FAM13A: variants seen among roughly 807,000 people sequenced by gnomAD.
FAM13A encodes the protein family with sequence similarity 13 member A, also known as protein FAM13A.
In FAM13A, 76 loss-of-function variants were observed where a neutral mutation model predicts 129.6. The ratio of observed to expected loss-of-function variants is 0.59; its 90% CI spans 0.49 to 0.71. The LOEUF is 0.71. Among genes scored for constraint, FAM13A ranks in the 30% least tolerant of loss-of-function variants. FAM13A has a pLI of 0.00. For synonymous variants in FAM13A, 443 were observed against 449.9 expected (o/e 0.98, Z 0.20); for missense variants, 1,108 against 1,249.3 (o/e 0.89, Z 1.70).
chr4:88,932,611 G>A (rs1753215579), intron 5 of FAM13A, among the ~76,000 whole-genome samples: 2 of 152,306 alleles, frequency 1.3e-5, no homozygotes, highest in South Asian at 4.1e-4. Flanking sequence ...GGAGACACAT[G>A]CAATGTTTTT....
At chr4:88,842,091 T>C (rs1735932989) in intron 7 of FAM13A, among the ~76,000 whole-genome samples, 1 of 152,164 alleles carries the variant, frequency 6.6e-6, no homozygotes, top group Non-Finnish European at 1.5e-5. Flanking sequence ...AGGAGTGAAG[T>C]ACTGATACAT....
In FAM13A at chr4:88,732,134, G is replaced by A; in HGVS notation, c.2711C>T (p.Thr904Ile). Reference protein sequence around the residue: ...VKPDFMVTLKTDFSARCFLDQ... With the variant: ...VKPDFMVTLKIDFSARCFLDQ... The stretch of plus-strand genomic sequence containing the variant: ...CAGAAAGCATCGTGCACTGAAATCG[G>A]TTTTCAGAGTGACCATGAAGTCTGG... Residue 904 changes from threonine to isoleucine, a missense_variant, in exon 22 of 24, where the codon ACC becomes ATC. Coordinates refer to ENST00000264344, the MANE Select transcript of FAM13A (RefSeq NM_014883.4). The A allele has an allele frequency of 1.2e-6, 2 of 1,613,742 alleles. No individual in the cohort carries two copies. The highest frequency in any genetic ancestry group is 1.7e-6 in the Non-Finnish European group (2 of 1,179,830).
At chr4:88,847,794 G>T (rs1736906848) in intron 7 of FAM13A, among the ~76,000 whole-genome samples, 1 of 152,170 alleles carries the variant, frequency 6.6e-6, no homozygotes, top group South Asian at 2.1e-4. Context: ...AAAATTAGCT[G>T]GGCGTGGTGG....
chr4:89,030,259 T>C (rs951744391), intron 1 of FAM13A, among the ~76,000 whole-genome samples: 10 of 152,086 alleles, frequency 6.6e-5, no homozygotes, highest in African/African-American at 2.4e-4. Flanking sequence ...GTTGCAATTT[T>C]AAATTTTTCA....
At chr4:88,900,466 A>G (rs1222638488) in intron 6 of FAM13A, among the ~76,000 whole-genome samples, 5 of 152,144 alleles carry the variant, frequency 3.3e-5, no homozygotes, top group African/African-American at 1.2e-4. Context: ...AAACTCTACA[A>G]GCCAGAAGAG....
rs573813150 is a variant in FAM13A at position 88,869,762 on chromosome 4, TG to T, written c.844-18580del. ...TTGGATTCTAGTTCAATACCTGGCA[TG>T]TGATAGACAATTATGTATTCTGAAA... On this transcript the variant is annotated intron_variant, in intron 6 of 23. Transcript: ENST00000264344. Among the ~76,000 whole-genome samples, 286 of 152,326 alleles carry T rather than the reference TG, an allele frequency of 1.9e-3. 2 individuals carry two copies. The highest frequency in any genetic ancestry group is 6.5e-3 in the African/African-American group (272 of 41,564).
At chr4:89,050,123 A>T (rs1260514547) in intron 1 of FAM13A, among the ~76,000 whole-genome samples, 2 of 152,222 alleles carry the variant, frequency 1.3e-5, no homozygotes, top group Admixed American at 1.3e-4. Context: ...AATGACTAGG[A>T]TCAGAGTGTA....
At chr4:88,925,832 A>G (rs1021048397) in intron 5 of FAM13A, among the ~76,000 whole-genome samples, 3 of 152,020 alleles carry the variant, frequency 2.0e-5, no homozygotes, top group African/African-American at 7.2e-5. Flanking sequence ...CCAAGGCAGA[A>G]TGTTCTAACA....
rs1748161250 is a variant in FAM13A, at chr4:88,906,346, C to T, written c.843+33G>A. 4 of 1,345,990 alleles carry T rather than the reference C, an allele frequency of 3.0e-6. No individual in the cohort carries two copies. In the African/African-American group the frequency reaches 5.9e-5, roughly 20 times the overall value. The allele number at this position is 1,345,990 out of a possible 1,614,324, so 83.4% of individuals were successfully genotyped here. A position where few individuals can be genotyped will look rare whatever the true frequency, so the allele number is the denominator to read the frequency against. ...AAACAAAGAACCATGCTAAAGATTT[C>T]ACATGGTCGCCTACAGAGAAAACAT... is the stretch of plus-strand genomic sequence containing the variant. On this transcript the variant is annotated intron_variant, in intron 6 of 23. Coordinates refer to ENST00000264344, the MANE Select transcript of FAM13A (RefSeq NM_014883.4).
chr4:88,747,691 T>C lies in FAM13A; in HGVS notation c.2322A>G (p.Glu774=), dbSNP rs145297922. ...AIKPSVEATL[E]SIQRKLQEKR... ...TCTCCTGGAGCTTCCTCTGAATAGA[T>C]TCCAATGTGGCTTCAACACTGGGCT... Residue 774 remains glutamate (E), a synonymous_variant, in exon 18 of 24, where the codon GAA becomes GAG. Coordinates refer to ENST00000264344, the MANE Select transcript of FAM13A (RefSeq NM_014883.4). The C allele has an allele frequency of 5.9e-5, 96 of 1,614,192 alleles. No homozygotes were observed. In the African/African-American group the frequency reaches 1.1e-3, roughly 19 times the overall value.
intron 11 of FAM13A, among the ~76,000 whole-genome samples, chr4:88,773,133 T>A (rs1470439510): frequency 1.3e-5 from 2 of 152,206 alleles, no homozygotes; most frequent in African/African-American, 4.8e-5. Flanking sequence ...CCATCCCCTA[T>A]CACTGACTCA....
In FAM13A at chr4:88,825,216, AT is replaced by A. The variant is rs34736493; in HGVS notation, c.1008-20165del. On this transcript the variant is annotated intron_variant, in intron 7 of 23. Coordinates refer to ENST00000264344, the MANE Select transcript of FAM13A (RefSeq NM_014883.4). ...ACAGTGCTGACTCTATTCTGTGTGA[AT>A]TTTTTTTTTTGGGGGGGGGATGGAA... Among the ~76,000 whole-genome samples the A allele has an allele frequency of 3.3e-3, 484 of 146,152 alleles. 1 individual carries two copies. The highest frequency in any genetic ancestry group is 6.5e-3 in the Admixed American group (95 of 14,664).
intron 4 of FAM13A, among the ~76,000 whole-genome samples, chr4:88,939,741 C>A (rs898327435): frequency 6.6e-6 from 1 of 152,072 alleles, no homozygotes; most frequent in Non-Finnish European, 1.5e-5. Flanking sequence ...ATTCTCCCAT[C>A]GGCCTTAAAG....
intron 6 of FAM13A, among the ~76,000 whole-genome samples, chr4:88,879,158 A>T (rs759648907): frequency 1.2e-4 from 19 of 152,206 alleles, no homozygotes; most frequent in Non-Finnish European, 2.4e-4. Flanking sequence ...CAGCCACTAT[A>T]AAAGCAATAT....
chr4:88,804,859 G>T, intron 8 of FAM13A, 152 bp downstream of exon 8: 1 of 607,348 alleles, frequency 1.6e-6, no homozygotes, highest in Non-Finnish European at 2.9e-6. Context: ...GAACCAAAGG[G>T]GAAAATACAG....
intron 6 of FAM13A, among the ~76,000 whole-genome samples, chr4:88,865,146 G>C (rs184818009): frequency 6.6e-6 from 1 of 152,100 alleles, no homozygotes; most frequent in Admixed American, 6.6e-5. Flanking sequence ...GTAAATTTTT[G>C]AAAATTTATT....
intron 11 of FAM13A, among the ~76,000 whole-genome samples, chr4:88,769,378 C>G (rs1050703160): frequency 6.6e-6 from 1 of 152,306 alleles, no homozygotes; most frequent in Admixed American, 6.5e-5. Context: ...GTAGTTATGA[C>G]AGTGGCTCTG....
chr4:89,040,717 C>T (rs1452867290), intron 1 of FAM13A, among the ~76,000 whole-genome samples: 5 of 152,142 alleles, frequency 3.3e-5, no homozygotes, highest in Non-Finnish European at 7.3e-5. Flanking sequence ...ATGACCCATG[C>T]GGTCTGTGAT....
chr4:88,850,894 A>G (rs747613618), intron 7 of FAM13A, 126 bp downstream of exon 7: 2 of 751,090 alleles, frequency 2.7e-6, no homozygotes, highest in South Asian at 2.3e-5. Context: ...AATTTTAAGT[A>G]TCTTTACTGA....
Sources: allele counts gnomAD v4.1 joint callset (sites outside exome capture counted in the v4.1 genomes callset), GRCh38; gene constraint gnomAD v4.1.1; transcripts MANE v1.5; gene names NCBI Gene and HGNC (gene_info 2026-07-23, HGNC 2026-07-21).